Variants in TEX9 observed in about 807,000 individuals in gnomAD.
TEX9 encodes the protein testis expressed 9.
In TEX9, 74 loss-of-function variants were observed where a neutral mutation model predicts 59.6. That is an observed-to-expected ratio of 1.24 (90% CI 1.03 to 1.51). The LOEUF (loss-of-function observed/expected upper bound fraction) is 1.51, where lower values mean the gene tolerates loss of function less well. Ranked by LOEUF, TEX9 falls within the 40% of genes most tolerant of loss-of-function variation. The pLI is 0.00. For missense variants in TEX9, 522 were observed against 447.8 expected (o/e 1.17, Z -1.49); for synonymous variants, 186 against 152.2 (o/e 1.22, Z -1.64).
intron 1 of TEX9, among the ~76,000 whole-genome samples, chr15:56,286,961 T>C (rs1212886909): frequency 6.6e-6 from 1 of 152,134 alleles, no homozygotes; most frequent in Non-Finnish European, 1.5e-5. Context: ...CTTCCTATAG[T>C]CAGGGGAGAA....
At chr15:56,332,769 G>T (rs558502636) in intron 1 of TEX9, among the ~76,000 whole-genome samples, 5 of 151,774 alleles carry the variant, frequency 3.3e-5, no homozygotes, top group Admixed American at 6.6e-5. Flanking sequence ...TGTACAAACC[G>T]TTAGCCAGAA....
chr15:56,279,849 G>T (rs1308643653), intron 1 of TEX9, among the ~76,000 whole-genome samples: 1 of 152,134 alleles, frequency 6.6e-6, no homozygotes, highest in Non-Finnish European at 1.5e-5. Flanking sequence ...TAAAAATGTG[G>T]CATGTCTACA....
At chr15:56,288,259 A>C (rs1260962909) in intron 1 of TEX9, among the ~76,000 whole-genome samples, 1 of 149,850 alleles carries the variant, frequency 6.7e-6, no homozygotes, top group Admixed American at 6.6e-5. Flanking sequence ...TTTAATTTGC[A>C]TTTCTTTGGT....
chr15:56,440,342 C>A lies in TEX9; in HGVS notation c.*30-5329C>A, dbSNP rs74529162. On this transcript the variant is annotated intron_variant, in intron 12 of 12. Coordinates refer to ENST00000352903, the Ensembl canonical transcript of TEX9. ...AAATGCTGGTGAGAATGCAGACAGA[C>A]TGCGTAACTCATATATTTCTGATGG... is the stretch of plus-strand genomic sequence containing the variant. 1.1e-3 allele frequency among the ~76,000 whole-genome samples: 171 copies of A among 152,302 alleles called. 3 individuals are homozygous for A. The East Asian group carries it at 0.026, about 23-fold the overall frequency.
intron 12 of TEX9, chr15:56,434,450 TA>T: frequency 6.6e-7 from 1 of 1,522,118 alleles, no homozygotes; most frequent in Admixed American, 1.9e-5. Flanking sequence ...ACCAGATTTA[TA>T]AGGAAAGAGT....
intron 1 of TEX9, among the ~76,000 whole-genome samples, chr15:56,322,949 GA>G (rs1407895536): frequency 1.3e-5 from 2 of 152,034 alleles, no homozygotes; most frequent in Non-Finnish European, 2.9e-5. Context: ...GAGAGGAGGA[GA>G]AGAAGGAGGA....
At chr15:56,453,373 TTC>T in the TEX9 span, among the ~76,000 whole-genome samples, 3 of 152,274 alleles carry the variant, frequency 2.0e-5, no homozygotes, top group African/African-American at 7.2e-5. Context: ...GTGATCAATC[TTC>T]TGTTTTTGTT....
chr15:56,284,182 A>G (rs1378216697), intron 1 of TEX9, among the ~76,000 whole-genome samples: 6 of 151,908 alleles, frequency 3.9e-5, no homozygotes, highest in Non-Finnish European at 7.4e-5. Context: ...TTCTAAAGAG[A>G]GTCAGGGTCT....
intron 2 of TEX9, among the ~76,000 whole-genome samples, chr15:56,366,327 T>C (rs1252498037): frequency 6.6e-6 from 1 of 152,180 alleles, no homozygotes; most frequent in Non-Finnish European, 1.5e-5. Flanking sequence ...TCCTCCTGCC[T>C]CCTCTATTTG....
the TEX9 span, among the ~76,000 whole-genome samples, chr15:56,456,733 T>G: frequency 6.6e-6 from 1 of 152,172 alleles, no homozygotes; most frequent in African/African-American, 2.4e-5. Context: ...GAAGAATATT[T>G]AAATACACTC....
At chr15:56,432,452 A>G (rs1397571249) in intron 12 of TEX9, among the ~76,000 whole-genome samples, 1 of 152,164 alleles carries the variant, frequency 6.6e-6, no homozygotes, top group Non-Finnish European at 1.5e-5. Flanking sequence ...TCCAAAAAAC[A>G]TGGTTAGACC....
chr15:56,295,398 T>C lies in TEX9; in HGVS notation c.-107+51120T>C, dbSNP rs1386835976. Among the ~76,000 whole-genome samples, 4 of 152,358 alleles carry C rather than the reference T, an allele frequency of 2.6e-5. No homozygotes were observed. In the East Asian group the frequency reaches 7.7e-4, roughly 29 times the overall value. On this transcript the variant is annotated intron_variant, in intron 1 of 5. Coordinates refer to the TEX9 transcript ENST00000560827. ...CCAAGTATCCTTATGGAGGTATCAC[T>C]CTGATGTTCTAACTGGATATACCAG...
At chr15:56,457,703 G>T in the TEX9 span, among the ~76,000 whole-genome samples, 1 of 151,684 alleles carries the variant, frequency 6.6e-6, no homozygotes, top group African/African-American at 2.4e-5. Context: ...AGTTCTAGCT[G>T]TATCAGGAGG....
chr15:56,374,837 A>T (rs569808292), intron 3 of TEX9, among the ~76,000 whole-genome samples: 4 of 152,236 alleles, frequency 2.6e-5, no homozygotes, highest in South Asian at 2.1e-4. Context: ...ATTTCACTCA[A>T]TGACTTCCAG....
chr15:56,304,819 C>T (rs977133758), intron 1 of TEX9, among the ~76,000 whole-genome samples: 20 of 152,102 alleles, frequency 1.3e-4, no homozygotes, highest in Non-Finnish European at 1.2e-4. Context: ...TACTCCTGGG[C>T]TCAAGCCATC....
intron 10 of TEX9, among the ~76,000 whole-genome samples, chr15:56,422,397 G>C (rs1168467530): frequency 1.3e-5 from 2 of 151,556 alleles, no homozygotes; most frequent in Non-Finnish European, 1.5e-5. Flanking sequence ...TGGCCCGTAT[G>C]TTTTCTTTCC....
intron 10 of TEX9, among the ~76,000 whole-genome samples, chr15:56,413,450 G>C: frequency 6.6e-6 from 1 of 150,988 alleles, no homozygotes; most frequent in East Asian, 1.9e-4. Flanking sequence ...TAAGCATATA[G>C]TTCAGTAGTG....
the TEX9 span, among the ~76,000 whole-genome samples, chr15:56,459,990 CAAAAAAAA>C: frequency 7.2e-4 from 8 of 11,122 alleles, no homozygotes; most frequent in African/African-American, 3.6e-3. Context: ...AATTCTGTCT[CAAAAAAAA>C]AAAAAAAAAA....
intron 1 of TEX9, among the ~76,000 whole-genome samples, chr15:56,252,818 T>C (rs1315579049): frequency 6.6e-6 from 1 of 152,170 alleles, no homozygotes; most frequent in African/African-American, 2.4e-5. Context: ...TCAGGCAAGT[T>C]CTTTGCTTCT....
Sources: gnomAD v4.1 joint callset for allele counts (sites outside exome capture counted in the v4.1 genomes callset) on GRCh38, gnomAD v4.1.1 for gene constraint, MANE v1.5 for transcripts, NCBI Gene and HGNC (gene_info 2026-07-23, HGNC 2026-07-21) for gene names.